MAPDA: variants seen among roughly 807,000 people sequenced by gnomAD.
The protein encoded by MAPDA is N6,N6-dimethyl-AMP deaminase.
chr15:43,347,463 G>A, the MAPDA span, among the ~76,000 whole-genome samples: 2 of 152,122 alleles, frequency 1.3e-5, no homozygotes, highest in Non-Finnish European at 2.9e-5. Flanking sequence ...GGACCTGATT[G>A]TATCACATCC....
chr15:43,340,064 T>G, the MAPDA span, among the ~76,000 whole-genome samples: 3 of 152,256 alleles, frequency 2.0e-5, no homozygotes, highest in Non-Finnish European at 4.4e-5. Flanking sequence ...TGAGGGGTGA[T>G]GGGAGTGATT....
chr15:43,336,682 TA>T, the MAPDA span: 1 of 1,550,546 alleles, frequency 6.4e-7, no homozygotes, highest in South Asian at 1.3e-5. Flanking sequence ...GAAGATATTC[TA>T]ATGGTAAGAC....
the MAPDA span, among the ~76,000 whole-genome samples, chr15:43,342,210 G>A: frequency 7.2e-4 from 109 of 151,806 alleles, no homozygotes; most frequent in Admixed American, 1.1e-3. Context: ...TATAATCCGG[G>A]TAAAAGGGTA....
At chr15:43,335,201 G>T in the MAPDA span, 4 of 1,606,926 alleles carry the variant, frequency 2.5e-6, no homozygotes, top group African/African-American at 2.7e-5. Flanking sequence ...ATCTTGAGTG[G>T]TTGCTAATTA....
the MAPDA span, among the ~76,000 whole-genome samples, chr15:43,343,398 C>T: frequency 1.2e-4 from 19 of 152,196 alleles, no homozygotes; most frequent in African/African-American, 4.1e-4. Context: ...TAGACCACTC[C>T]TCCTCCCTTA....
At chr15:43,336,153 T>C in the MAPDA span, among the ~76,000 whole-genome samples, 1 of 152,190 alleles carries the variant, frequency 6.6e-6, no homozygotes, top group Non-Finnish European at 1.5e-5. Context: ...GCAGTCCTCC[T>C]ATCTTAGCAT....
the MAPDA span, chr15:43,340,199 T>G: frequency 4.4e-6 from 6 of 1,369,220 alleles, no homozygotes; most frequent in Non-Finnish European, 6.2e-6. Flanking sequence ...GCTGTAGCAC[T>G]TGGCACATTC....
At chr15:43,347,088 C>T in the MAPDA span, 1 of 1,612,376 alleles carries the variant, frequency 6.2e-7, no homozygotes, top group Non-Finnish European at 8.5e-7. Context: ...AGCATTGCAT[C>T]TTTCAGAGGT....
the MAPDA span, among the ~76,000 whole-genome samples, chr15:43,347,979 G>A: frequency 2.0e-5 from 3 of 152,190 alleles, no homozygotes; most frequent in Admixed American, 1.3e-4. Flanking sequence ...ACTGATGTGT[G>A]ATAGAAACCA....
the MAPDA span, chr15:43,331,811 T>G: frequency 2.0e-5 from 3 of 152,194 alleles, no homozygotes; most frequent in East Asian, 5.8e-4. Context: ...TTATTATACT[T>G]TCGAGGAGCT....
chr15:43,352,942 A>C, the MAPDA span: 1 of 148,378 alleles, frequency 6.7e-6, no homozygotes, highest in Non-Finnish European at 1.5e-5. Flanking sequence ...AAATAGCTGC[A>C]GCTCTCTTTT....
the MAPDA span, chr15:43,351,561 G>C: frequency 1.7e-6 from 1 of 578,540 alleles, no homozygotes; most frequent in Non-Finnish European, 3.0e-6. Flanking sequence ...TTGAAACACT[G>C]CTCTGGTATC....
chr15:43,350,998 AT>A, the MAPDA span: 1 of 1,551,612 alleles, frequency 6.4e-7, no homozygotes, highest in South Asian at 1.2e-5. Context: ...GACCAGCACC[AT>A]TTCGGATTCT....
the MAPDA span, chr15:43,350,895 C>A: frequency 6.9e-7 from 1 of 1,456,510 alleles, no homozygotes; most frequent in South Asian, 1.2e-5. Context: ...TGAATGAGTT[C>A]ACTTATTTGC....
the MAPDA span, among the ~76,000 whole-genome samples, chr15:43,345,695 T>A: frequency 1.3e-5 from 2 of 152,244 alleles, no homozygotes; most frequent in Admixed American, 1.3e-4. Flanking sequence ...TCAGTCCGTA[T>A]GACAAAGTAA....
At chr15:43,344,002 G>A in the MAPDA span, among the ~76,000 whole-genome samples, 42,201 of 151,662 alleles carry the variant, frequency 0.28, 9,696 homozygotes, top group African/African-American at 0.63. Context: ...TACTGTTTCA[G>A]TAGGCTAAAA....
the MAPDA span, among the ~76,000 whole-genome samples, chr15:43,341,669 C>CT: frequency 6.6e-6 from 1 of 151,582 alleles, no homozygotes; most frequent in South Asian, 2.1e-4. Flanking sequence ...TAAGACCCCC[C>CT]CCACCTCTAT....
At chr15:43,335,928 G>C in the MAPDA span, 3 of 1,434,176 alleles carry the variant, frequency 2.1e-6, no homozygotes, top group Non-Finnish European at 2.8e-6. Flanking sequence ...ACAGAAATAG[G>C]GTTGGCATGT....
chr15:43,343,083 G>T, the MAPDA span: 1,609 of 1,543,344 alleles, frequency 1.0e-3, 2 homozygotes, highest in Non-Finnish European at 1.3e-3. Context: ...TAGGTAAGAA[G>T]ATTGTACCTT....
Sources: allele counts gnomAD v4.1 joint callset (sites outside exome capture counted in the v4.1 genomes callset), GRCh38; gene constraint gnomAD v4.1.1; transcripts MANE v1.5; gene names NCBI Gene and HGNC (gene_info 2026-07-23, HGNC 2026-07-21).